Variants in ARMH3 observed in about 807,000 individuals in gnomAD.
ARMH3 encodes the protein armadillo like helical domain containing 3.
A neutral mutation model predicts 99.1 loss-of-function variants in ARMH3; 60 were observed. The observed-to-expected ratio is 0.61, with a 90% CI of 0.49 to 0.75. The LOEUF (loss-of-function observed/expected upper bound fraction) is 0.75. Among genes scored for constraint, ARMH3 ranks in the 30% least tolerant of loss-of-function variants. ARMH3 has a pLI of 0.00. For missense variants in ARMH3, 679 were observed against 843.1 expected, an observed-to-expected ratio of 0.81 and a Z score of 2.41; for synonymous variants, 285 against 292.8, an observed-to-expected ratio of 0.97 and a Z score of 0.27.
At chr10:101,948,484 C>T (rs1844647819) in intron 22 of ARMH3, among the ~76,000 whole-genome samples, 1 of 151,930 alleles carries the variant, frequency 6.6e-6, no homozygotes, top group Non-Finnish European at 1.5e-5. Context: ...AAACAGAATT[C>T]AGAACAAGGA....
intron 14 of ARMH3, among the ~76,000 whole-genome samples, chr10:102,002,797 C>T (rs546253832): frequency 1.0e-3 from 157 of 151,668 alleles, no homozygotes; most frequent in African/African-American, 3.3e-3. Flanking sequence ...CCCATCTCTA[C>T]TAAAAATACA....
intron 19 of ARMH3, among the ~76,000 whole-genome samples, chr10:101,985,253 T>C (rs1027472882): frequency 2.0e-5 from 3 of 148,524 alleles, no homozygotes; most frequent in African/African-American, 7.4e-5. Context: ...TACGTGTGTA[T>C]ATATATGTGT....
At chr10:101,955,696 A>G (rs1021505897) in intron 22 of ARMH3, among the ~76,000 whole-genome samples, 6 of 152,182 alleles carry the variant, frequency 3.9e-5, no homozygotes, top group African/African-American at 1.4e-4. Flanking sequence ...AAACCAATCT[A>G]CAGTGACAGA....
intron 1 of ARMH3, among the ~76,000 whole-genome samples, chr10:102,051,213 C>T (rs1403069700): frequency 1.3e-5 from 2 of 151,194 alleles, no homozygotes; most frequent in Admixed American, 6.6e-5. Flanking sequence ...TGGCTCATGC[C>T]TGTAATATCA....
intron 9 of ARMH3, 148 bp downstream of exon 9, chr10:102,013,820 G>A (rs770132723): frequency 2.7e-5 from 17 of 634,094 alleles, no homozygotes; most frequent in East Asian, 5.6e-5. Context: ...TAGCACTGAC[G>A]CACTAAAAAG....
chr10:101,965,188 A>T (rs964170620), intron 20 of ARMH3, among the ~76,000 whole-genome samples: 3 of 152,214 alleles, frequency 2.0e-5, no homozygotes, highest in African/African-American at 7.2e-5. Context: ...ATTTTACCCC[A>T]ATTAAAAAGA....
At chr10:101,949,844 A>C (rs1027224227) in intron 22 of ARMH3, among the ~76,000 whole-genome samples, 1 of 152,216 alleles carries the variant, frequency 6.6e-6, no homozygotes, top group Non-Finnish European at 1.5e-5. Context: ...ATGATGTTAT[A>C]ATCATGTGGG....
chr10:102,036,727 C>G (rs1441354829), intron 2 of ARMH3, among the ~76,000 whole-genome samples: 1 of 152,124 alleles, frequency 6.6e-6, no homozygotes, highest in African/African-American at 2.4e-5. Flanking sequence ...CCCAGGGACA[C>G]AAACACTGCG....
At chr10:101,889,946 C>G (rs1488132689) in intron 23 of ARMH3, among the ~76,000 whole-genome samples, 1 of 152,104 alleles carries the variant, frequency 6.6e-6, no homozygotes, top group African/African-American at 2.4e-5. Flanking sequence ...TAGTTTCAAA[C>G]CAAAATTTTA....
At chr10:102,025,582 A>T (rs2066982453) in intron 5 of ARMH3, among the ~76,000 whole-genome samples, 4 of 152,196 alleles carry the variant, frequency 2.6e-5, no homozygotes, top group African/African-American at 9.7e-5. Context: ...TTAGATTACA[A>T]GGAAGCAAAT....
chr10:101,854,122 G>T (rs2066676939), intron 24 of ARMH3, among the ~76,000 whole-genome samples: 2 of 151,998 alleles, frequency 1.3e-5, no homozygotes, highest in Admixed American at 1.3e-4. Flanking sequence ...CAAAAAAAAA[G>T]AAAGAAAATT....
intron 8 of ARMH3, among the ~76,000 whole-genome samples, chr10:102,021,145 C>T (rs1025200041): frequency 6.6e-6 from 1 of 151,546 alleles, no homozygotes; most frequent in African/African-American, 2.4e-5. Flanking sequence ...GGCGTGACAT[C>T]AGCTCACTGT....
intron 12 of ARMH3, 148 bp from the exon 13 acceptor site, chr10:102,009,597 C>T (rs937171110): frequency 3.9e-5 from 29 of 751,750 alleles, no homozygotes; most frequent in Middle Eastern, 2.4e-4. Flanking sequence ...GCCATTTGGG[C>T]GTATGCAAAA....
chr10:101,945,587 G>A (rs933388372), intron 22 of ARMH3, among the ~76,000 whole-genome samples: 1 of 151,802 alleles, frequency 6.6e-6, no homozygotes, highest in African/African-American at 2.4e-5. Context: ...GCGTGGTGGT[G>A]CATGCCTGTA....
chr10:101,926,803 G>A (rs974349743), intron 23 of ARMH3, among the ~76,000 whole-genome samples: 6 of 152,130 alleles, frequency 3.9e-5, no homozygotes, highest in African/African-American at 1.4e-4. Context: ...TTCCTACCTT[G>A]GAATTAATAA....
chr10:102,023,861 A>T (rs2066942397), intron 6 of ARMH3, 112 bp from the exon 7 acceptor site: 12 of 1,024,316 alleles, frequency 1.2e-5, no homozygotes, highest in Non-Finnish European at 1.8e-5. Flanking sequence ...TTTCTACTAG[A>T]TAACTTAGCT....
intron 24 of ARMH3, among the ~76,000 whole-genome samples, chr10:101,878,991 C>T (rs1309865852): frequency 1.3e-5 from 2 of 152,208 alleles, no homozygotes; most frequent in Non-Finnish European, 2.9e-5. Context: ...TTACACATTT[C>T]TGCCTGACTG....
chr10:101,913,208 T>G (rs1327040399), intron 23 of ARMH3: 1 of 152,422 alleles, frequency 6.6e-6, no homozygotes, highest in East Asian at 1.9e-4. Flanking sequence ...CTTGAACTCC[T>G]GGGCTCAAGT....
At chr10:101,858,928 A>G (rs2066795674) in intron 24 of ARMH3, among the ~76,000 whole-genome samples, 1 of 152,226 alleles carries the variant, frequency 6.6e-6, no homozygotes, top group East Asian at 1.9e-4. Flanking sequence ...CCCAACCAAA[A>G]AAGAAAGTAA....
Sources: gnomAD v4.1 joint callset for allele counts (sites outside exome capture counted in the v4.1 genomes callset) on GRCh38, gnomAD v4.1.1 for gene constraint, MANE v1.5 for transcripts, NCBI Gene and HGNC (gene_info 2026-07-23, HGNC 2026-07-21) for gene names.